The following FAT1 variants were observed in gnomAD, a reference collection of about 807,000 sequenced individuals.
The protein encoded by FAT1 is FAT atypical cadherin 1.
FAT1 carries 171 observed loss-of-function variants against 329.8 expected under a neutral mutation model. That is an observed-to-expected ratio of 0.52 (90% CI 0.46 to 0.59). The LOEUF (loss-of-function observed/expected upper bound fraction) is 0.59, where lower values mean the gene tolerates loss of function less well. Ranked by LOEUF, FAT1 falls within the 20% of genes least tolerant of loss-of-function variation. The pLI, the probability that FAT1 is intolerant of heterozygous loss-of-function variation, is 0.00. For synonymous variants in FAT1, 2,233 were observed against 2,228.6 expected, an observed-to-expected ratio of 1.00 and a Z score of -0.06; for missense variants, 5,672 against 5,774.4, an observed-to-expected ratio of 0.98 and a Z score of 0.57.
At chr4:186,590,280 C>T (rs971695549) in intron 26 of FAT1, 13 of 766,818 alleles carry the variant, frequency 1.7e-5, no homozygotes, top group African/African-American at 3.6e-5. Flanking sequence ...AAACACTGGG[C>T]GACCCAGCGT....
In FAT1 at chr4:186,715,597, G is replaced by C. The variant is rs1423151508; in HGVS notation, c.-18-5752C>G. Among the ~76,000 whole-genome samples, 4 of 152,158 alleles carry C rather than the reference G, an allele frequency of 2.6e-5. No homozygotes were observed. In the East Asian group the frequency reaches 7.7e-4, roughly 29 times the overall value. ...AAAACAAACAGTAAAGCTGAAGCGGGGAGAGACTCCAACACCATTTCATCT... is the reference window on the plus strand; with the variant it reads ...AAAACAAACAGTAAAGCTGAAGCGGCGAGAGACTCCAACACCATTTCATCT... On this transcript the variant is annotated intron_variant, in intron 1 of 26. Coordinates refer to ENST00000441802, the MANE Select transcript of FAT1 (RefSeq NM_005245.4).
Position 186,707,594 on chromosome 4 carries a change from T to A in FAT1, c.2234A>T (p.Asp745Val), listed in dbSNP as rs2126689882. ...SVIFMNSTDLDTGFNGKLVYA... is the reference protein window; with the variant it reads ...SVIFMNSTDLVTGFNGKLVYA... ...GACCAGTTTTCCATTGAAGCCAGTG[T>A]CAAGGTCAGTGGAGTTCATGAAAAT... The change falls in exon 2 of 27, where the codon GAC (aspartate) becomes GTC (valine). Residue 745 changes from aspartate (D) to valine (V), a missense_variant. Asp to Val is a radical substitution (Grantham distance 152). Transcript: ENST00000441802. 6.2e-7 allele frequency: 1 copy of A among 1,614,022 alleles called. No homozygotes were observed. Among genetic ancestry groups the A allele is most frequent in the Non-Finnish European group, 8.5e-7 (1 of 1,179,894 alleles).
In FAT1 at chr4:186,709,278, A is replaced by G; in HGVS notation, c.550T>C (p.Phe184Leu). Residue 184 changes from phenylalanine to leucine, a missense_variant, in exon 2 of 27, where the codon TTT becomes CTT. Around this residue, in one of 2 missense-constraint regions of FAT1, gnomAD observed 3,966 missense variants for 3,915.2 expected, o/e 1.01. Transcript: ENST00000441802. ...TDADIGTNGE[F>L]YYSFKDRTDM... The stretch of plus-strand genomic sequence containing the variant: ...GTTCGATCTTTAAAACTGTAGTAAA[A>G]TTCCCCGTTGGTTCCTATGTCTGCA... The G allele has an allele frequency of 6.2e-7, 1 of 1,613,930 alleles. No individual in the cohort carries two copies. Among genetic ancestry groups the G allele is most frequent in the Non-Finnish European group, 8.5e-7 (1 of 1,179,878 alleles).
Position 186,668,548 on chromosome 4 carries a change from G to A in FAT1, c.3266-4935C>T, listed in dbSNP as rs540388580. 5.1e-4 allele frequency among the ~76,000 whole-genome samples: 78 copies of A among 152,264 alleles called. No individual in the cohort carries two copies. The South Asian group carries it at 0.013, about 25-fold the overall frequency. ...ACTTCCTTAATCAGGGGTTCATCAC[G>A]ATCCAAACCATTCTTTAAGGGAGTC... On this transcript the variant is annotated intron_variant, in intron 2 of 26. Coordinates refer to ENST00000441802, the MANE Select transcript of FAT1 (RefSeq NM_005245.4).
At chr4:186,612,589 T>C (rs1489131937) in intron 13 of FAT1, among the ~76,000 whole-genome samples, 1 of 152,042 alleles carries the variant, frequency 6.6e-6, no homozygotes, top group Non-Finnish European at 1.5e-5. Flanking sequence ...ATCTGAAAAA[T>C]ATCCAAAAAT....
rs780806899 is a variant in FAT1, at chr4:186,603,499, T to C, written c.11027A>G (p.Asn3676Ser). 17 of 1,613,890 alleles carry C rather than the reference T, an allele frequency of 1.1e-5. No homozygotes were observed. The East Asian group carries it at 3.8e-4, about 36-fold the overall frequency. The change falls in exon 19 of 27, where the codon AAC (asparagine) becomes AGC (serine). Residue 3676 changes from asparagine (N) to serine (S), a missense_variant. By Grantham distance (46) the Asn-to-Ser change is conservative. Around this residue, in one of 2 missense-constraint regions of FAT1, gnomAD observed 1,706 missense variants for 1,859.1 expected, o/e 0.92. Transcript: ENST00000441802. The part of the protein sequence containing the change: ...ALRNILGVRR[N>S]DIQIVSLQSS... ...CTGCAAACTAACAATCTGTATGTCG[T>C]TCCTCCTCACACCCAGGATGTTCCG...
In FAT1 at chr4:186,618,590, T is replaced by C. The variant is rs756642080; in HGVS notation, c.7996A>G (p.Asn2666Asp). The change falls in exon 10 of 27, where the codon AAT (asparagine) becomes GAT (aspartate). Residue 2666 changes from asparagine (N) to aspartate (D), a missense_variant. By Grantham distance (23) the Asn-to-Asp change is conservative (BLOSUM62 1). This residue lies in a region of FAT1 where 3,966 missense variants were observed against 3,915.2 expected (regional missense o/e 1.01). Coordinates refer to ENST00000441802, the MANE Select transcript of FAT1 (RefSeq NM_005245.4). ...TTKESLIGLENEFFTFFVRAV... is the reference protein window; with the variant it reads ...TTKESLIGLEDEFFTFFVRAV... ...CTAACAAAGAAAGTGAAGAATTCAT[T>C]TTCCAAGCCAATGAGGCTCTCCTTT... 8 of 1,613,926 alleles carry C rather than the reference T, an allele frequency of 5.0e-6. No homozygotes were observed. The East Asian group carries it at 1.1e-4, about 22-fold the overall frequency.
rs80120846 is a variant in FAT1, at chr4:186,595,785, G to T, written c.13042C>A (p.Leu4348Ile). The change falls in exon 26 of 27, where the codon CTA (leucine) becomes ATA (isoleucine). Residue 4348 changes from leucine (L) to isoleucine (I), a missense_variant. Transcript: ENST00000441802. ...DLDPCLSKKPLEEKPSQPYSA... is the reference protein window; with the variant it reads ...DLDPCLSKKPIEEKPSQPYSA... ...TATGGCTGGGAAGGCTTTTCCTCTA[G>T]AGGCTTCTTGGAAAGACAGGGATCA... 1,307 of 1,613,976 alleles carry T rather than the reference G, an allele frequency of 8.1e-4. 6 individuals are homozygous for T. In the African/African-American group the frequency reaches 0.016, roughly 20 times the overall value.
chr4:186,659,785 C>A (rs889472895), intron 3 of FAT1, among the ~76,000 whole-genome samples: 2 of 149,000 alleles, frequency 1.3e-5, no homozygotes, highest in Non-Finnish European at 3.0e-5. Context: ...ACTTTACACA[C>A]ACAATCCGGC....
chr4:186,666,956 CAA>C (rs1258130727), intron 2 of FAT1, among the ~76,000 whole-genome samples: 1 of 152,094 alleles, frequency 6.6e-6, no homozygotes, highest in African/African-American at 2.4e-5. Context: ...GCTGTTATGA[CAA>C]AAGAGTAAAC....
At chr4:186,626,546 C>A (rs1250913509) in intron 9 of FAT1, among the ~76,000 whole-genome samples, 6 of 140,652 alleles carry the variant, frequency 4.3e-5, no homozygotes. Flanking sequence ...TGGCACCTGG[C>A]ACATAAAGTG....
chr4:186,629,434 A>C (rs1350733926), intron 7 of FAT1, among the ~76,000 whole-genome samples: 1 of 152,240 alleles, frequency 6.6e-6, no homozygotes, highest in East Asian at 1.9e-4. Context: ...AAAAAAGCAA[A>C]TGTTAAGAAA....
chr4:186,638,397 G>C (rs747809837), intron 4 of FAT1, among the ~76,000 whole-genome samples: 1 of 152,164 alleles, frequency 6.6e-6, no homozygotes, highest in Admixed American at 6.5e-5. Context: ...CTTCCCATCT[G>C]TTTATCTTTG....
At chr4:186,614,101 A>C (rs2126478356) in intron 12 of FAT1, 90 bp downstream of exon 12, 1 of 1,172,024 alleles carries the variant, frequency 8.5e-7, no homozygotes, top group East Asian at 2.8e-5. Context: ...GGCAAAATGT[A>C]ATTTCAAATT....
chr4:186,636,465 A>G, intron 5 of FAT1, 120 bp downstream of exon 5: 7 of 1,089,174 alleles, frequency 6.4e-6, no homozygotes, highest in Non-Finnish European at 9.3e-6. Flanking sequence ...TAATGGGGCC[A>G]GCAGGTCACA....
chr4:186,687,253 CTGAA>C (rs1444016741), intron 2 of FAT1, among the ~76,000 whole-genome samples: 1 of 152,144 alleles, frequency 6.6e-6, no homozygotes, highest in Non-Finnish European at 1.5e-5. Flanking sequence ...AGTTCCCTGA[CTGAA>C]TTAGTATTTT....
chr4:186,707,363 A>T lies in FAT1; in HGVS notation c.2465T>A (p.Phe822Tyr). ...VVDANDNPPE[F>Y]LQESYFVEVS... ...TTCCACAAAATAGCTCTCCTGTAAA[A>T]ACTCGGGTGGATTATCATTGGCATC... is the stretch of plus-strand genomic sequence containing the variant. The change falls in exon 2 of 27, where the codon TTT (phenylalanine) becomes TAT (tyrosine). Residue 822 changes from phenylalanine (F) to tyrosine (Y), a missense_variant. Physicochemically the swap from Phe to Tyr is conservative, Grantham distance 22. This residue lies in a region of FAT1 where 3,966 missense variants were observed against 3,915.2 expected (regional missense o/e 1.01). Transcript: ENST00000441802. 1 of 1,613,954 alleles carries T rather than the reference A, an allele frequency of 6.2e-7. No individual in the cohort carries two copies. The highest frequency in any genetic ancestry group is 8.5e-7 in the Non-Finnish European group (1 of 1,179,886).
intron 9 of FAT1, among the ~76,000 whole-genome samples, chr4:186,625,119 A>C (rs1487155420): frequency 6.6e-6 from 1 of 152,214 alleles, no homozygotes; most frequent in Non-Finnish European, 1.5e-5. Flanking sequence ...GACACCAACA[A>C]TCATATTTTA....
At chr4:186,590,424 A>G (rs775790948) in intron 26 of FAT1, 3 of 1,288,392 alleles carry the variant, frequency 2.3e-6, no homozygotes, top group African/African-American at 1.5e-5. Context: ...CAGAGTAGAA[A>G]AAAAAGAAAA....
Sources: allele counts gnomAD v4.1 joint callset (sites outside exome capture counted in the v4.1 genomes callset), GRCh38; gene constraint gnomAD v4.1.1; regional missense constraint gnomAD v4.1.1; transcripts MANE v1.5; gene names NCBI Gene and HGNC (gene_info 2026-07-23, HGNC 2026-07-21).